RBBP8: variants seen among roughly 807,000 people sequenced by gnomAD.
The protein encoded by RBBP8 is DNA endonuclease RBBP8.
Under a neutral mutation model 108.3 loss-of-function variants are expected in RBBP8, and 88 were observed. That is an observed-to-expected ratio of 0.81 (90% CI 0.68 to 0.97). The LOEUF (loss-of-function observed/expected upper bound fraction) is 0.97. Ranked by LOEUF, RBBP8 falls within the 50% of genes least tolerant of loss-of-function variation. The probability of loss-of-function intolerance (pLI) is 0.00; values close to 1 mark genes in which losing one functional copy is unlikely to be tolerated. For missense variants in RBBP8, 1,023 were observed against 1,049.0 expected (o/e 0.98, Z 0.34); for synonymous variants, 332 against 348.2 (o/e 0.95, Z 0.52).
intron 8 of RBBP8, among the ~76,000 whole-genome samples, chr18:22,986,240 C>T (rs1915318855): frequency 1.3e-5 from 2 of 152,046 alleles, no homozygotes; most frequent in Admixed American, 1.3e-4. Context: ...AAAATGATGT[C>T]CTTTAAGCCA....
intron 3 of RBBP8, among the ~76,000 whole-genome samples, chr18:22,920,577 G>C (rs372925495): frequency 1.3e-3 from 195 of 152,206 alleles, no homozygotes; most frequent in African/African-American, 4.4e-3. Context: ...TTCAGATTAG[G>C]AGTGAGAAAC....
chr18:22,942,764 T>C (rs1407958133), intron 2 of RBBP8, among the ~76,000 whole-genome samples: 1 of 152,054 alleles, frequency 6.6e-6, no homozygotes, highest in African/African-American at 2.4e-5. Flanking sequence ...TTTTATTGCC[T>C]TTAAAAATCT....
At chr18:23,020,634 G>A (rs1466192345) in intron 17 of RBBP8, among the ~76,000 whole-genome samples, 1 of 150,452 alleles carries the variant, frequency 6.6e-6, no homozygotes, top group Non-Finnish European at 1.5e-5. Context: ...GTTAAATCAT[G>A]TCATTCCCAG....
chr18:22,946,336 G>T (rs763115938), intron 2 of RBBP8, 108 bp from the exon 3 acceptor site: 17 of 1,477,598 alleles, frequency 1.2e-5, no homozygotes, highest in Non-Finnish European at 1.6e-5. Context: ...GTAAACTAAT[G>T]AGACCTGGTT....
At chr18:23,005,866 A>G (rs923085431) in intron 15 of RBBP8, among the ~76,000 whole-genome samples, 6 of 152,136 alleles carry the variant, frequency 3.9e-5, no homozygotes, top group Non-Finnish European at 8.8e-5. Flanking sequence ...CACCCTCCTC[A>G]TTATGCAGAT....
intron 16 of RBBP8, among the ~76,000 whole-genome samples, chr18:23,007,528 C>A (rs559377136): frequency 1.1e-3 from 172 of 150,918 alleles, no homozygotes; most frequent in African/African-American, 3.9e-3. Flanking sequence ...CATGGTGAAA[C>A]CCCGTCTCTA....
intron 3 of RBBP8, among the ~76,000 whole-genome samples, chr18:22,926,722 T>A (rs768328796): frequency 6.6e-6 from 1 of 152,106 alleles, no homozygotes; most frequent in Non-Finnish European, 1.5e-5. Context: ...AGAGTGAAGA[T>A]CAAAATAAAG....
chr18:23,022,645 ATACAATAT>A lies in RBBP8; in HGVS notation c.2596+376_2596+383del, dbSNP rs1421265060. Among the ~76,000 whole-genome samples, 126 of 45,022 alleles carry A rather than the reference ATACAATAT, an allele frequency of 2.8e-3. 6 individuals carry two copies. The highest frequency in any genetic ancestry group is 0.016 in the Middle Eastern group (1 of 64). 29.5% of individuals were successfully genotyped at this position (45,022 alleles called of 152,430 possible). On this transcript the variant is annotated intron_variant, in intron 18 of 18. Transcript: ENST00000327155. ...AATAAAATAAAATAAAATAAATAAA[ATACAATAT>A]AAAATAAAATAAAATAAATAACTGT...
At chr18:23,006,558 A>G (rs1032466490) in intron 16 of RBBP8, 126 bp downstream of exon 16, 22 of 829,702 alleles carry the variant, frequency 2.7e-5, no homozygotes, top group Admixed American at 2.5e-4. Flanking sequence ...CTAGAGTGCA[A>G]TGGCGTAAAC....
chr18:23,014,108 C>T (rs2046217016), intron 16 of RBBP8, among the ~76,000 whole-genome samples: 1 of 152,110 alleles, frequency 6.6e-6, no homozygotes, highest in Non-Finnish European at 1.5e-5. Context: ...AAGTGATTCT[C>T]GTGCCTCAGC....
chr18:22,993,136 C>T lies in RBBP8; in HGVS notation c.1309C>T (p.Leu437=). ...DSNTDKHLEP[L]KSLGGRTSKR... ...TAACACTGATAAACATTTGGAGCCC[C>T]TGAAATCATTGGGAGGCCGAACATC... is the stretch of plus-strand genomic sequence containing the variant. Residue 437 remains leucine, a synonymous_variant, in exon 11 of 19, where the codon CTG becomes TTG. Transcript: ENST00000327155. 1 of 1,614,096 alleles carries T rather than the reference C, an allele frequency of 6.2e-7. No individual in the cohort carries two copies. The highest frequency in any genetic ancestry group is 8.5e-7 in the Non-Finnish European group (1 of 1,179,974).
At chr18:23,020,221 G>A (rs2046326395) in intron 17 of RBBP8, among the ~76,000 whole-genome samples, 1 of 151,734 alleles carries the variant, frequency 6.6e-6, no homozygotes. Flanking sequence ...AGGAGTTCAA[G>A]GCCAGCCTGG....
chr18:22,994,327 A>C (rs2045812888), intron 12 of RBBP8, among the ~76,000 whole-genome samples: 1 of 148,022 alleles, frequency 6.8e-6, no homozygotes, highest in South Asian at 2.2e-4. Context: ...CCGGCCACTT[A>C]TATACGTTTT....
chr18:22,990,873 TC>T (rs1915635400), intron 9 of RBBP8, 63 bp from the exon 10 acceptor site: 1 of 1,241,510 alleles, frequency 8.1e-7, no homozygotes, highest in Admixed American at 1.7e-5. Context: ...TATCAGTACT[TC>T]ATCCCTTTTT....
intron 13 of RBBP8, among the ~76,000 whole-genome samples, chr18:22,996,965 A>G (rs1567988355): frequency 6.6e-6 from 1 of 152,202 alleles, no homozygotes; most frequent in Non-Finnish European, 1.5e-5. Flanking sequence ...ACCACTGCAC[A>G]TCCAGCCTAG....
chr18:23,000,421 T>C (rs2045927603), intron 14 of RBBP8, among the ~76,000 whole-genome samples: 1 of 152,110 alleles, frequency 6.6e-6, no homozygotes, highest in Admixed American at 6.6e-5. Context: ...TGAAAGAAAA[T>C]ACTTTTTTGC....
chr18:22,969,180 T>C (rs924725237), intron 5 of RBBP8, among the ~76,000 whole-genome samples: 2 of 151,954 alleles, frequency 1.3e-5, no homozygotes, highest in Non-Finnish European at 2.9e-5. Context: ...GTGGTGTTTT[T>C]TTTTTTTGGA....
intron 2 of RBBP8, among the ~76,000 whole-genome samples, chr18:22,943,415 G>A (rs989894535): frequency 2.0e-5 from 3 of 151,626 alleles, no homozygotes; most frequent in African/African-American, 7.3e-5. Context: ...CCCCAGCCTG[G>A]GTGACAGAAA....
intron 2 of RBBP8, among the ~76,000 whole-genome samples, chr18:22,943,730 A>G (rs765366288): frequency 6.6e-6 from 1 of 152,194 alleles, no homozygotes; most frequent in Non-Finnish European, 1.5e-5. Flanking sequence ...TTTATAATTC[A>G]GAACCATAAA....
Sources: gnomAD v4.1 joint callset for allele counts (sites outside exome capture counted in the v4.1 genomes callset) on GRCh38, gnomAD v4.1.1 for gene constraint, MANE v1.5 for transcripts, NCBI Gene and HGNC (gene_info 2026-07-23, HGNC 2026-07-21) for gene names.